The following PSD3 variants were observed in gnomAD, a reference collection of about 807,000 sequenced individuals.
PSD3 encodes the protein PH and SEC7 domain-containing protein 3.
A neutral mutation model predicts 105.5 loss-of-function variants in PSD3; 49 were observed. That is an observed-to-expected ratio of 0.46 (90% CI 0.37 to 0.59). PSD3 has a LOEUF of 0.59. Ranked by LOEUF, PSD3 falls within the 20% of genes least tolerant of loss-of-function variation. The pLI is 0.00. For missense variants in PSD3, 1,561 were observed against 1,263.8 expected, an observed-to-expected ratio of 1.24 and a Z score of -3.57; for synonymous variants, 557 against 457.8, an observed-to-expected ratio of 1.22 and a Z score of -2.77.
At chr8:18,750,310 G>A (rs549494316) in intron 9 of PSD3, among the ~76,000 whole-genome samples, 3 of 152,166 alleles carry the variant, frequency 2.0e-5, no homozygotes, top group Admixed American at 2.0e-4. Context: ...TGTGTTCGGC[G>A]TTTCTTCCTT....
chr8:18,953,469 C>T (rs768762117), intron 1 of PSD3, among the ~76,000 whole-genome samples: 2 of 152,120 alleles, frequency 1.3e-5, no homozygotes, highest in African/African-American at 2.4e-5. Context: ...GCTAAATAGG[C>T]CGGGTGTGGT....
chr8:18,713,685 C>A (rs531181553), intron 9 of PSD3, among the ~76,000 whole-genome samples: 1 of 152,276 alleles, frequency 6.6e-6, no homozygotes, highest in South Asian at 2.1e-4. Context: ...GGATCAGTAT[C>A]ATGAAAACGG....
At chr8:18,592,475 G>T (rs1043425861) in intron 12 of PSD3, among the ~76,000 whole-genome samples, 11 of 152,156 alleles carry the variant, frequency 7.2e-5, no homozygotes, top group African/African-American at 9.7e-5. Context: ...TCTGAAATCT[G>T]AGGAAGGAAA....
At chr8:18,773,297 C>T (rs1047753158) in intron 8 of PSD3, among the ~76,000 whole-genome samples, 1 of 152,266 alleles carries the variant, frequency 6.6e-6, no homozygotes, top group Admixed American at 6.5e-5. Flanking sequence ...GTGGTCTTAG[C>T]ACTCTTGTTG....
intron 8 of PSD3, among the ~76,000 whole-genome samples, chr8:18,797,941 T>G (rs1402803857): frequency 6.6e-6 from 1 of 152,040 alleles, no homozygotes; most frequent in African/African-American, 2.4e-5. Flanking sequence ...CACTCAAAAT[T>G]TTCTCCTTTG....
At chr8:18,770,780 G>T (rs555227939) in intron 8 of PSD3, among the ~76,000 whole-genome samples, 1 of 152,278 alleles carries the variant, frequency 6.6e-6, no homozygotes, top group East Asian at 1.9e-4. Flanking sequence ...TGCCTTTTTG[G>T]GTGAGATGGC....
chr8:18,667,966 G>A lies in PSD3; in HGVS notation c.2173-12281C>T, dbSNP rs560059672. On this transcript the variant is annotated intron_variant, in intron 9 of 15. Coordinates refer to ENST00000327040, the MANE Select transcript of PSD3 (RefSeq NM_015310.4). ...CTGCCCGAGGCCAGCGGCACCGGCC[G>A]GCCGCTCCAAGTGTGGGGCCCGCGG... is the stretch of plus-strand genomic sequence containing the variant. 1.5e-3 allele frequency among the ~76,000 whole-genome samples: 233 copies of A among 152,348 alleles called. 3 individuals are homozygous for A. The highest frequency in any genetic ancestry group is 2.1e-3 in the Non-Finnish European group (143 of 68,024).
intron 1 of PSD3, among the ~76,000 whole-genome samples, chr8:19,077,399 G>T (rs1829493311): frequency 6.6e-6 from 1 of 152,016 alleles, no homozygotes; most frequent in African/African-American, 2.4e-5. Flanking sequence ...TATAATCACA[G>T]GAAATATGCA....
intron 9 of PSD3, among the ~76,000 whole-genome samples, chr8:18,672,868 T>G (rs906530041): frequency 6.6e-6 from 1 of 152,212 alleles, no homozygotes; most frequent in Non-Finnish European, 1.5e-5. Flanking sequence ...CTGGCATTTG[T>G]TAAACCCAAA....
At chr8:18,666,193 G>C (rs186655917) in intron 9 of PSD3, among the ~76,000 whole-genome samples, 4 of 152,286 alleles carry the variant, frequency 2.6e-5, no homozygotes, top group Admixed American at 1.3e-4. Context: ...TGGAATTATA[G>C]GGGCACGCCA....
At chr8:18,948,552 C>T (rs1002134470) in intron 1 of PSD3, among the ~76,000 whole-genome samples, 9 of 152,144 alleles carry the variant, frequency 5.9e-5, no homozygotes, top group African/African-American at 2.2e-4. Context: ...AAGTACTATG[C>T]AAAGCAGAGA....
intron 10 of PSD3, among the ~76,000 whole-genome samples, chr8:18,642,999 A>G (rs534724670): frequency 1.6e-4 from 24 of 152,314 alleles, no homozygotes; most frequent in African/African-American, 5.1e-4. Flanking sequence ...ATAAAATTAC[A>G]TTTCACAGAG....
chr8:18,566,210 G>T (rs910329328), intron 14 of PSD3, among the ~76,000 whole-genome samples: 20 of 152,112 alleles, frequency 1.3e-4, no homozygotes, highest in African/African-American at 7.2e-5. Context: ...ACTCGGCAAA[G>T]AAATAATACA....
intron 9 of PSD3, among the ~76,000 whole-genome samples, chr8:18,762,081 G>A (rs1806587285): frequency 6.6e-6 from 1 of 152,156 alleles, no homozygotes; most frequent in African/African-American, 2.4e-5. Context: ...GACATGGTTT[G>A]TGTCCCCACC....
intron 1 of PSD3, among the ~76,000 whole-genome samples, chr8:19,048,159 G>A (rs889302515): frequency 2.6e-4 from 39 of 152,220 alleles, no homozygotes; most frequent in African/African-American, 8.9e-4. Context: ...CAAGCTTCAC[G>A]GCTGCCCTCT....
chr8:18,636,186 A>G (rs1399656728), intron 10 of PSD3, among the ~76,000 whole-genome samples: 2 of 152,184 alleles, frequency 1.3e-5, no homozygotes, highest in African/African-American at 2.4e-5. Context: ...TGTGGCCCTA[A>G]GCCAGCGTGT....
chr8:18,542,531 A>T (rs1800209980), intron 15 of PSD3, among the ~76,000 whole-genome samples: 1 of 152,210 alleles, frequency 6.6e-6, no homozygotes, highest in South Asian at 2.1e-4. Flanking sequence ...GGAATCTGAA[A>T]CAGCAACAAT....
At chr8:18,856,158 T>C (rs1815990897) in intron 4 of PSD3, among the ~76,000 whole-genome samples, 1 of 152,266 alleles carries the variant, frequency 6.6e-6, no homozygotes, top group South Asian at 2.1e-4. Context: ...CAACTCAGCC[T>C]TCACAGCCCA....
chr8:18,702,920 G>A (rs1194300912), intron 9 of PSD3, among the ~76,000 whole-genome samples: 1 of 152,008 alleles, frequency 6.6e-6, no homozygotes, highest in Non-Finnish European at 1.5e-5. Context: ...ACAGCTATAG[G>A]TACTCTTTAT....
Sources: gnomAD v4.1 joint callset for allele counts (sites outside exome capture counted in the v4.1 genomes callset) on GRCh38, gnomAD v4.1.1 for gene constraint, MANE v1.5 for transcripts, NCBI Gene and HGNC (gene_info 2026-07-23, HGNC 2026-07-21) for gene names.